Variants in CSMD1 observed in about 807,000 individuals in gnomAD.
The protein encoded by CSMD1 is CUB and Sushi multiple domains 1.
In CSMD1, 213 loss-of-function variants were observed where a neutral mutation model predicts 417.5. The ratio of observed to expected loss-of-function variants is 0.51; its 90% CI spans 0.46 to 0.57. The LOEUF (loss-of-function observed/expected upper bound fraction) is 0.57, where lower values mean the gene tolerates loss of function less well. Among genes scored for constraint, CSMD1 ranks in the 20% least tolerant of loss-of-function variants. The pLI is 0.00. For missense variants in CSMD1, 6,923 were observed against 4,529.7 expected, an observed-to-expected ratio of 1.53 and a Z score of -15.17; for synonymous variants, 2,862 against 1,736.8, an observed-to-expected ratio of 1.65 and a Z score of -16.11.
chr8:4,851,575 C>G (rs1392471416), intron 1 of CSMD1, among the ~76,000 whole-genome samples: 1 of 152,044 alleles, frequency 6.6e-6, no homozygotes, highest in African/African-American at 2.4e-5. Flanking sequence ...TGACCTGTAT[C>G]TTCAGTTGGC....
chr8:3,503,837 C>CCA (rs2117356865), intron 10 of CSMD1, among the ~76,000 whole-genome samples: 1 of 148,910 alleles, frequency 6.7e-6, no homozygotes, highest in African/African-American at 2.5e-5. Flanking sequence ...CCCCTTGCCC[C>CCA]CCCCCAACCC....
intron 15 of CSMD1, among the ~76,000 whole-genome samples, chr8:3,405,378 T>C (rs1299128343): frequency 2.6e-5 from 4 of 152,186 alleles, no homozygotes; most frequent in Non-Finnish European, 5.9e-5. Context: ...CCTCTCTATA[T>C]TTATTAGATA....
intron 7 of CSMD1, among the ~76,000 whole-genome samples, chr8:3,693,797 CGTGT>C (rs756217508): frequency 4.7e-5 from 7 of 149,090 alleles, no homozygotes; most frequent in African/African-American, 7.4e-5. Flanking sequence ...GTGTTGGCGT[CGTGT>C]GTGTGTGTGT....
chr8:3,814,000 TCAACAGATTAATG>T (rs1299820775), intron 5 of CSMD1, among the ~76,000 whole-genome samples: 3 of 152,192 alleles, frequency 2.0e-5, no homozygotes, highest in African/African-American at 7.2e-5. Flanking sequence ...GGAGAACCGT[TCAACAGATTAATG>T]CAACAGATTA....
chr8:4,401,381 G>T (rs1047336470), intron 3 of CSMD1, among the ~76,000 whole-genome samples: 4 of 152,112 alleles, frequency 2.6e-5, no homozygotes, highest in African/African-American at 9.7e-5. Flanking sequence ...CCAAAGAGGT[G>T]TATCAGATGT....
chr8:3,752,419 C>T (rs1797388393), intron 6 of CSMD1, among the ~76,000 whole-genome samples: 1 of 152,078 alleles, frequency 6.6e-6, no homozygotes, highest in Non-Finnish European at 1.5e-5. Flanking sequence ...CTTTGGGAGG[C>T]CGAGGCAGGC....
chr8:4,454,057 C>G (rs1015715681), intron 2 of CSMD1, among the ~76,000 whole-genome samples: 1 of 151,944 alleles, frequency 6.6e-6, no homozygotes, highest in Non-Finnish European at 1.5e-5. Flanking sequence ...CTCCTGACCT[C>G]GTGATCCGCC....
intron 1 of CSMD1, among the ~76,000 whole-genome samples, chr8:4,701,391 C>G (rs1184906662): frequency 1.3e-5 from 2 of 151,850 alleles, no homozygotes; most frequent in African/African-American, 4.8e-5. Flanking sequence ...ACAGAGCACC[C>G]AGGATGCGTT....
intron 10 of CSMD1, among the ~76,000 whole-genome samples, chr8:3,565,820 T>C (rs932004046): frequency 1.4e-5 from 2 of 138,526 alleles, no homozygotes; most frequent in Non-Finnish European, 3.0e-5. Context: ...AAATATATTG[T>C]TTTTTTTTTC....
chr8:3,694,815 G>C (rs1385392573), intron 7 of CSMD1, among the ~76,000 whole-genome samples: 1 of 151,932 alleles, frequency 6.6e-6, no homozygotes, highest in Non-Finnish European at 1.5e-5. Context: ...GGAGCCAGGG[G>C]AACGCGGCAA....
At chr8:4,532,339 T>G (rs1180334483) in intron 2 of CSMD1, among the ~76,000 whole-genome samples, 2 of 147,398 alleles carry the variant, frequency 1.4e-5, no homozygotes, top group African/African-American at 5.1e-5. Flanking sequence ...ATTCAGTCAC[T>G]CTGAAAGAGA....
At chr8:4,457,555 G>A (rs1011493897) in intron 2 of CSMD1, among the ~76,000 whole-genome samples, 2 of 151,862 alleles carry the variant, frequency 1.3e-5, no homozygotes, top group African/African-American at 4.8e-5. Context: ...TACTAGATGG[G>A]CCTGTTAATT....
intron 26 of CSMD1, among the ~76,000 whole-genome samples, chr8:3,256,381 G>A (rs1026687038): frequency 2.6e-5 from 4 of 151,800 alleles, no homozygotes; most frequent in African/African-American, 7.3e-5. Context: ...TGTAACAATG[G>A]CAGTAGGCAG....
intron 3 of CSMD1, among the ~76,000 whole-genome samples, chr8:4,125,376 C>CAAG (rs1212607519): frequency 2.6e-5 from 4 of 152,158 alleles, no homozygotes; most frequent in African/African-American, 7.2e-5. Flanking sequence ...CTGCAGGTCC[C>CAAG]CTCCCTGCTC....
Position 3,406,004 on chromosome 8 carries a change from G to C in CSMD1, c.2266+23C>G, listed in dbSNP as rs546675916. ...AGATGTGTGATTTCAAAGGAGAAGA[G>C]CGGGGGGTGGCAGGGACTGCACCTT... is the stretch of plus-strand genomic sequence containing the variant. On this transcript the variant is annotated intron_variant, in intron 15 of 69. Transcript: ENST00000635120. 2.3e-4 allele frequency: 370 copies of C among 1,607,258 alleles called. 3 individuals carry two copies. The highest frequency in any genetic ancestry group is 1.5e-3 in the South Asian group (136 of 90,372).
intron 21 of CSMD1, among the ~76,000 whole-genome samples, chr8:3,356,703 G>A (rs1048860146): frequency 8.9e-6 from 1 of 112,950 alleles, no homozygotes; most frequent in Non-Finnish European, 1.9e-5. Flanking sequence ...ACAAAAAAAC[G>A]TAATGGCAAA....
chr8:3,048,727 A>G (rs1272356681), intron 50 of CSMD1, among the ~76,000 whole-genome samples: 1 of 151,758 alleles, frequency 6.6e-6, no homozygotes, highest in Non-Finnish European at 1.5e-5. Flanking sequence ...AAAAGAACAG[A>G]TATGTTGAAC....
chr8:3,819,374 CTT>C (rs1250815660), intron 5 of CSMD1, among the ~76,000 whole-genome samples: 1 of 152,130 alleles, frequency 6.6e-6, no homozygotes, highest in Non-Finnish European at 1.5e-5. Flanking sequence ...TAGCTACCCT[CTT>C]TGTTTTGCTC....
At chr8:4,427,882 C>T (rs539655578) in intron 2 of CSMD1, among the ~76,000 whole-genome samples, 1 of 152,256 alleles carries the variant, frequency 6.6e-6, no homozygotes, top group African/African-American at 2.4e-5. Flanking sequence ...GGGATCACTA[C>T]TTAATATAAT....
Sources: allele counts gnomAD v4.1 joint callset (sites outside exome capture counted in the v4.1 genomes callset), GRCh38; gene constraint gnomAD v4.1.1; transcripts MANE v1.5; gene names NCBI Gene and HGNC (gene_info 2026-07-23, HGNC 2026-07-21).